AP3S2: variants seen among roughly 807,000 people sequenced by gnomAD.
The protein encoded by AP3S2 is adaptor related protein complex 3 subunit sigma 2.
In AP3S2, 22 loss-of-function variants were observed where a neutral mutation model predicts 23.4. The ratio of observed to expected loss-of-function variants is 0.94; its 90% CI spans 0.67 to 1.34. AP3S2 has a LOEUF of 1.34. AP3S2 is among the 40% of genes most tolerant of loss of function. The pLI is 0.00. For missense variants in AP3S2, 241 were observed against 236.9 expected, an observed-to-expected ratio of 1.02 and a Z score of -0.11; for synonymous variants, 86 against 87.1, an observed-to-expected ratio of 0.99 and a Z score of 0.07.
intron 4 of AP3S2, among the ~76,000 whole-genome samples, chr15:89,844,194 C>CCTCTTTCTTTCTTT (rs1339174756): frequency 6.6e-6 from 1 of 150,822 alleles, no homozygotes; most frequent in East Asian, 1.9e-4. Flanking sequence ...GCCAAAAAAC[C>CCTCTTTCTTTCTTT]CTCTTTCTTT....
At chr15:89,845,279 G>A (rs1488945808) in intron 4 of AP3S2, 3 of 152,134 alleles carry the variant, frequency 2.0e-5, no homozygotes, top group Non-Finnish European at 4.4e-5. Context: ...TACAGTACCA[G>A]TTTACTGGCA....
intron 3 of AP3S2, among the ~76,000 whole-genome samples, chr15:89,884,352 C>T (rs1210617829): frequency 6.6e-6 from 1 of 151,680 alleles, no homozygotes. Flanking sequence ...TAATAGTATG[C>T]AGTTTTCCTG....
intron 4 of AP3S2, among the ~76,000 whole-genome samples, chr15:89,860,191 A>G (rs1567179510): frequency 2.0e-5 from 3 of 152,342 alleles, no homozygotes; most frequent in Admixed American, 6.5e-5. Context: ...CCTGCCTAGA[A>G]TATGTCCTAA....
At chr15:89,866,297 T>C (rs1012083577) in intron 4 of AP3S2, among the ~76,000 whole-genome samples, 2 of 146,158 alleles carry the variant, frequency 1.4e-5, no homozygotes, top group Non-Finnish European at 3.0e-5. Flanking sequence ...CATGGAGGTA[T>C]ACTCCACGTT....
chr15:89,836,904 CA>C (rs1276332360), intron 5 of AP3S2, among the ~76,000 whole-genome samples: 3 of 152,188 alleles, frequency 2.0e-5, no homozygotes, highest in Non-Finnish European at 4.4e-5. Flanking sequence ...GTTCCGTATA[CA>C]AGGCAAAGAA....
intron 4 of AP3S2, among the ~76,000 whole-genome samples, chr15:89,841,707 C>A (rs1895333230): frequency 6.6e-6 from 1 of 152,056 alleles, no homozygotes; most frequent in South Asian, 2.1e-4. Flanking sequence ...CACCCAGAAC[C>A]CTAAATCAAG....
intron 4 of AP3S2, among the ~76,000 whole-genome samples, chr15:89,838,821 G>A (rs776730885): frequency 6.6e-6 from 1 of 152,164 alleles, no homozygotes; most frequent in Non-Finnish European, 1.5e-5. Flanking sequence ...AGAATTTCAG[G>A]TAGAAGATGT....
intron 4 of AP3S2, among the ~76,000 whole-genome samples, chr15:89,869,181 T>G (rs1233967134): frequency 6.6e-6 from 1 of 151,036 alleles, no homozygotes; most frequent in East Asian, 1.9e-4. Context: ...CGTGTCTGTG[T>G]AGAAAGAAGT....
chr15:89,886,020 C>T (rs891434433), intron 3 of AP3S2, among the ~76,000 whole-genome samples: 1 of 150,306 alleles, frequency 6.7e-6, no homozygotes, highest in Admixed American at 6.7e-5. Context: ...ATCCAATGTA[C>T]AATGTACACT....
chr15:89,854,992 C>T lies in AP3S2; in HGVS notation c.345+16483G>A, dbSNP rs1226983177. On this transcript the variant is annotated intron_variant, in intron 4 of 5. Transcript: ENST00000336418. ...CCGCCCCTACTGGGAAGTGAGGAGCCCCTCTGCCCGGCCACCACCCCGTCT... is the reference window on the plus strand; with the variant it reads ...CCGCCCCTACTGGGAAGTGAGGAGCTCCTCTGCCCGGCCACCACCCCGTCT... Among the ~76,000 whole-genome samples the T allele has an allele frequency of 4.1e-5, 4 of 98,718 alleles. 2 individuals are homozygous for T. The highest frequency in any genetic ancestry group is 8.6e-5 in the Non-Finnish European group (4 of 46,780). 64.8% of individuals were successfully genotyped at this position (98,718 alleles called of 152,430 possible). A position where few individuals can be genotyped will look rare whatever the true frequency, so the allele number is the denominator to read the frequency against.
intron 4 of AP3S2, among the ~76,000 whole-genome samples, chr15:89,870,929 C>G (rs1404514292): frequency 1.3e-5 from 2 of 152,214 alleles, no homozygotes; most frequent in African/African-American, 4.8e-5. Flanking sequence ...GTTATCCTAG[C>G]AAAACAAATC....
At position 89,831,281 on chromosome 15, in the gene AP3S2, A is replaced by G. The variant is rs921765474; in HGVS notation, c.*4234T>C. On this transcript the variant is annotated 3_prime_UTR_variant, in exon 6 of 6. Transcript: ENST00000336418. ...AGTCTTAACCCAGAGGACAGCATCCACCAGCCTGCAAGCACGGACCCCGTG... is the reference window on the plus strand; with the variant it reads ...AGTCTTAACCCAGAGGACAGCATCCGCCAGCCTGCAAGCACGGACCCCGTG... 6.6e-6 allele frequency: 1 copy of G among 152,182 alleles called. No individual in the cohort carries two copies. Among genetic ancestry groups the G allele is most frequent in the Non-Finnish European group, 1.5e-5 (1 of 68,042 alleles). The allele number at this position is 152,182 out of a possible 1,614,324, so 9.4% of individuals were successfully genotyped here. A position where few individuals can be genotyped will look rare whatever the true frequency, so the allele number is the denominator to read the frequency against.
rs140036036 is a variant in AP3S2, at chr15:89,872,824, C to A, written c.274-1278G>T. Among the ~76,000 whole-genome samples the A allele has an allele frequency of 6.5e-4, 99 of 152,286 alleles. 2 individuals are homozygous for A. The East Asian group carries it at 0.013, about 20-fold the overall frequency. On this transcript the variant is annotated intron_variant, in intron 3 of 5. Transcript: ENST00000336418. ...ATCCAGTGTTTGCACTTTTTCCTTGCCGACTCTGATACCAAGATGCAATGG... is the reference window on the plus strand; with the variant it reads ...ATCCAGTGTTTGCACTTTTTCCTTGACGACTCTGATACCAAGATGCAATGG...
chr15:89,866,248 C>G (rs867937744), intron 4 of AP3S2, among the ~76,000 whole-genome samples: 2 of 114,848 alleles, frequency 1.7e-5, no homozygotes, highest in Admixed American at 2.5e-4. Flanking sequence ...GGCAACAGAG[C>G]GAGACTCCGT....
At chr15:89,867,580 CA>C (rs1896166917) in intron 4 of AP3S2, among the ~76,000 whole-genome samples, 1 of 134,318 alleles carries the variant, frequency 7.4e-6, no homozygotes, top group East Asian at 2.4e-4. Flanking sequence ...CGCCTCTTCC[CA>C]GCCGCCATCA....
At chr15:89,875,186 C>T (rs975678308) in intron 3 of AP3S2, among the ~76,000 whole-genome samples, 1 of 152,180 alleles carries the variant, frequency 6.6e-6, no homozygotes, top group African/African-American at 2.4e-5. Flanking sequence ...CTCTGTTCTG[C>T]GGCAGCCAGA....
At chr15:89,868,127 C>A (rs1264032337) in intron 4 of AP3S2, among the ~76,000 whole-genome samples, 4 of 102,352 alleles carry the variant, frequency 3.9e-5, no homozygotes, top group African/African-American at 1.4e-4. Flanking sequence ...GGGGGTCAGC[C>A]CCCCCACCCG....
At chr15:89,889,812 C>T (rs1196707282) in intron 1 of AP3S2, among the ~76,000 whole-genome samples, 1 of 134,204 alleles carries the variant, frequency 7.5e-6, no homozygotes, top group Non-Finnish European at 1.5e-5. Flanking sequence ...TACAGTGAGC[C>T]GAGATCACGC....
At chr15:89,875,748 A>G (rs1896428019) in intron 3 of AP3S2, among the ~76,000 whole-genome samples, 1 of 152,198 alleles carries the variant, frequency 6.6e-6, no homozygotes, top group African/African-American at 2.4e-5. Flanking sequence ...CACAAGTTTG[A>G]GACCAGCTTG....
Sources: allele counts gnomAD v4.1 joint callset (sites outside exome capture counted in the v4.1 genomes callset), GRCh38; gene constraint gnomAD v4.1.1; transcripts MANE v1.5; gene names NCBI Gene and HGNC (gene_info 2026-07-23, HGNC 2026-07-21).